The following HTATIP2 variants were observed in gnomAD, a reference collection of about 807,000 sequenced individuals.
The protein encoded by HTATIP2 is protein HTATIP2.
Under a neutral mutation model 24.7 loss-of-function variants are expected in HTATIP2, and 26 were observed. That is an observed-to-expected ratio of 1.05 (90% CI 0.77 to 1.46). HTATIP2 has a LOEUF of 1.46. Among genes scored for constraint, HTATIP2 ranks in the 40% most tolerant of loss-of-function variants. The pLI, the probability that HTATIP2 is intolerant of heterozygous loss-of-function variation, is 0.00. For synonymous variants in HTATIP2, 99 were observed against 113.2 expected (o/e 0.87, Z 0.79); for missense variants, 284 against 289.6 (o/e 0.98, Z 0.14).
chr11:20,369,546 C>G (rs2064748637), intron 2 of HTATIP2, among the ~76,000 whole-genome samples: 2 of 152,156 alleles, frequency 1.3e-5, no homozygotes, highest in Non-Finnish European at 2.9e-5. Flanking sequence ...GTCTGAGATC[C>G]AGGTCTCAGC....
intron 3 of HTATIP2, 55 bp from the exon 4 acceptor site, chr11:20,382,123 T>TCA: frequency 9.4e-7 from 1 of 1,069,386 alleles, no homozygotes; most frequent in Non-Finnish European, 1.5e-6. Flanking sequence ...CTCTTAAACT[T>TCA]CACACAGGTG....
At position 20,363,719 on chromosome 11, in the gene HTATIP2, C is replaced by T; in HGVS notation, c.-519C>T. 8.1e-7 allele frequency: 1 copy of T among 1,229,914 alleles called. No individual in the cohort carries two copies. Among genetic ancestry groups the T allele is most frequent in the Non-Finnish European group, 1.0e-6 (1 of 985,448 alleles). The allele number at this position is 1,229,914 out of a possible 1,614,324, so 76.2% of individuals were successfully genotyped here. On this transcript the variant is annotated 5_prime_UTR_variant, in exon 1 of 5. Coordinates refer to ENST00000451739, the MANE Select transcript of HTATIP2 (RefSeq NM_001098522.2). Reference sequence around the variant, plus strand: ...CCCTGTGGGCGGGGCGAGGCAGCGTCGCCGCGAGGCCACCCGGAAGACCAA... The same window carrying T: ...CCCTGTGGGCGGGGCGAGGCAGCGTTGCCGCGAGGCCACCCGGAAGACCAA...
In HTATIP2 at chr11:20,364,075, G is replaced by C. The variant is rs1554998431; in HGVS notation, c.-163G>C. 2.9e-6 allele frequency: 4 copies of C among 1,357,188 alleles called. No individual in the cohort carries two copies. Among genetic ancestry groups the C allele is most frequent in the Non-Finnish European group, 3.8e-6 (4 of 1,058,416 alleles). The allele number at this position is 1,357,188 out of a possible 1,614,324, so 84.1% of individuals were successfully genotyped here. On this transcript the variant is annotated 5_prime_UTR_variant, in exon 1 of 5. Coordinates refer to ENST00000451739, the MANE Select transcript of HTATIP2 (RefSeq NM_001098522.2). ...GCTGGCTCAGGTGCGGGCGATGGCCGGGGAGCCGCGCCCCGCACGTGACTC... is the reference window on the plus strand; with the variant it reads ...GCTGGCTCAGGTGCGGGCGATGGCCCGGGAGCCGCGCCCCGCACGTGACTC...
chr11:20,368,628 A>G (rs2064738937), intron 2 of HTATIP2, among the ~76,000 whole-genome samples: 1 of 152,252 alleles, frequency 6.6e-6, no homozygotes, highest in Non-Finnish European at 1.5e-5. Context: ...GTTCCAGGAC[A>G]CTGCAGGTTT....
At chr11:20,381,272 A>G (rs1848518060) in intron 3 of HTATIP2, among the ~76,000 whole-genome samples, 2 of 151,888 alleles carry the variant, frequency 1.3e-5, no homozygotes, top group African/African-American at 4.8e-5. Context: ...CAACCCCGTC[A>G]CTACTAAAAA....
At chr11:20,379,693 C>A (rs1439063725) in intron 3 of HTATIP2, among the ~76,000 whole-genome samples, 1 of 152,148 alleles carries the variant, frequency 6.6e-6, no homozygotes, top group African/African-American at 2.4e-5. Context: ...CTCATGTCCT[C>A]TGTTCTCAGG....
rs768366413 is a variant in HTATIP2, at chr11:20,367,241, G to T, written c.263G>T (p.Gly88Val). The part of the protein sequence containing the change: ...YASAFQGHDV[G>V]FCCLGTTRGK... ...TCTGCCTTTCAAGGTCATGATGTTGGATTCTGTTGCCTGGGTACCACCAGA... is the reference window on the plus strand; with the variant it reads ...TCTGCCTTTCAAGGTCATGATGTTGTATTCTGTTGCCTGGGTACCACCAGA... The change falls in exon 2 of 5, where the codon GGA (glycine) becomes GTA (valine). Residue 88 changes from glycine to valine, a missense_variant. Coordinates refer to ENST00000451739, the MANE Select transcript of HTATIP2 (RefSeq NM_001098522.2). 6 of 1,614,152 alleles carry T rather than the reference G, an allele frequency of 3.7e-6. No homozygotes were observed. Among genetic ancestry groups the T allele is most frequent in the Non-Finnish European group, 5.1e-6 (6 of 1,180,040 alleles).
At chr11:20,380,670 T>TTA (rs1592322644) in intron 3 of HTATIP2, among the ~76,000 whole-genome samples, 4 of 16,796 alleles carry the variant, frequency 2.4e-4, no homozygotes, top group East Asian at 3.0e-3. Flanking sequence ...AGACTCCATC[T>TTA]CAAAAAAAAA....
chr11:20,381,408 T>C (rs2055247), intron 3 of HTATIP2, among the ~76,000 whole-genome samples: 147,982 of 152,182 alleles, frequency 0.97, 72,087 homozygotes, highest in East Asian at 1. Flanking sequence ...CCCTTGCACT[T>C]CAGCCTAGGT....
chr11:20,365,381 T>G (rs1476627238), intron 1 of HTATIP2, among the ~76,000 whole-genome samples: 1 of 152,222 alleles, frequency 6.6e-6, no homozygotes, highest in Non-Finnish European at 1.5e-5. Flanking sequence ...TCTTGGAGAT[T>G]CTGTTCTTTA....
At chr11:20,373,164 A>G (rs974635207) in intron 2 of HTATIP2, among the ~76,000 whole-genome samples, 4 of 152,204 alleles carry the variant, frequency 2.6e-5, no homozygotes, top group African/African-American at 7.2e-5. Flanking sequence ...AACAGGCCCC[A>G]TTGAGCAGGG....
At chr11:20,366,929 G>A (rs918000096) in intron 1 of HTATIP2, among the ~76,000 whole-genome samples, 2 of 152,026 alleles carry the variant, frequency 1.3e-5, no homozygotes, top group African/African-American at 2.4e-5. Flanking sequence ...GATTATAATC[G>A]AACCTGACTT....
At chr11:20,369,784 A>C (rs560208943) in intron 2 of HTATIP2, among the ~76,000 whole-genome samples, 4 of 152,318 alleles carry the variant, frequency 2.6e-5, no homozygotes, top group African/African-American at 7.2e-5. Flanking sequence ...TTTCCAAATA[A>C]GGTCATATTC....
At position 20,364,027 on chromosome 11, in the gene HTATIP2, C is replaced by G; in HGVS notation, c.-211C>G. On this transcript the variant is annotated 5_prime_UTR_variant, in exon 1 of 5. Transcript: ENST00000451739. ...TGTGGCACCTGGGCGCACCCTCCAGCTCGGGCCCCTTCCGATGGGTCTGCT... is the reference window on the plus strand; with the variant it reads ...TGTGGCACCTGGGCGCACCCTCCAGGTCGGGCCCCTTCCGATGGGTCTGCT... 7.7e-7 allele frequency: 1 copy of G among 1,306,208 alleles called. No homozygotes were observed. Among genetic ancestry groups the G allele is most frequent in the Non-Finnish European group, 9.7e-7 (1 of 1,027,766 alleles). 80.9% of individuals were successfully genotyped at this position (1,306,208 alleles called of 1,614,324 possible). A position where few individuals can be genotyped will look rare whatever the true frequency, so the allele number is the denominator to read the frequency against.
At chr11:20,376,223 T>G in intron 2 of HTATIP2, 1 of 238,660 alleles carries the variant, frequency 4.2e-6, no homozygotes, top group Middle Eastern at 1.4e-3. Context: ...AAAACAGGAG[T>G]GTAAAGTTGT....
At position 20,363,841 on chromosome 11, in the gene HTATIP2, G is replaced by C; in HGVS notation, c.-397G>C. ...CCGGGCCTGCGGCGCTGAGCGCGGC[G>C]GCGGCGGCTGCTCTGGCGGCCGCCC... On this transcript the variant is annotated 5_prime_UTR_variant, in exon 1 of 5. Coordinates refer to ENST00000451739, the MANE Select transcript of HTATIP2 (RefSeq NM_001098522.2). 1 of 1,244,628 alleles carries C rather than the reference G, an allele frequency of 8.0e-7. No homozygotes were observed. The highest frequency in any genetic ancestry group is 1.0e-6 in the Non-Finnish European group (1 of 990,902). 77.1% of individuals were successfully genotyped at this position (1,244,628 alleles called of 1,614,324 possible).
At chr11:20,365,222 CA>C (rs984520965) in intron 1 of HTATIP2, among the ~76,000 whole-genome samples, 6 of 152,182 alleles carry the variant, frequency 3.9e-5, no homozygotes, top group African/African-American at 1.4e-4. Flanking sequence ...CTCTTGACCT[CA>C]GATGATGCTC....
At position 20,367,288 on chromosome 11, in the gene HTATIP2, A is replaced by G; in HGVS notation, c.303+7A>G. 6.2e-7 allele frequency: 1 copy of G among 1,613,880 alleles called. No homozygotes were observed. Among genetic ancestry groups the G allele is most frequent in the East Asian group, 2.2e-5 (1 of 44,884 alleles). On this transcript the variant is annotated splice_region_variant and intron_variant, in intron 2 of 4. Coordinates refer to ENST00000451739, the MANE Select transcript of HTATIP2 (RefSeq NM_001098522.2). ...CAGAGGGAAAGCTGGGGCGGTAAGG[A>G]AGGCATATGCTCTTTTCCCTTTTTG...
chr11:20,363,916 A>G lies in HTATIP2; in HGVS notation c.-322A>G. 1 of 1,241,734 alleles carries G rather than the reference A, an allele frequency of 8.1e-7. No individual in the cohort carries two copies. 76.9% of individuals were successfully genotyped at this position (1,241,734 alleles called of 1,614,324 possible). ...CGGGGCCGGGGGCTGGCCCCAGGTAACCCCTCCGCGTATGGGACCGAGCTG... is the reference window on the plus strand; with the variant it reads ...CGGGGCCGGGGGCTGGCCCCAGGTAGCCCCTCCGCGTATGGGACCGAGCTG... On this transcript the variant is annotated 5_prime_UTR_variant, in exon 1 of 5. The change abolishes the stop of an existing upstream ORF in the 5' untranslated region. Transcript: ENST00000451739.
Sources: gnomAD v4.1 joint callset for allele counts (sites outside exome capture counted in the v4.1 genomes callset) on GRCh38, gnomAD v4.1.1 for gene constraint, MANE v1.5 for transcripts, NCBI Gene and HGNC (gene_info 2026-07-23, HGNC 2026-07-21) for gene names.